NBEA: variants seen among roughly 807,000 people sequenced by gnomAD.
NBEA encodes the protein lysosomal-trafficking regulator 2.
Under a neutral mutation model 343.4 loss-of-function variants are expected in NBEA, and 44 were observed. That is an observed-to-expected ratio of 0.13 (90% CI 0.10 to 0.16). The LOEUF is 0.16. Among genes scored for constraint, NBEA ranks in the 10% least tolerant of loss-of-function variants. NBEA has a pLI of 1.00. For missense variants in NBEA, 2,555 were observed against 3,631.3 expected (o/e 0.70, Z 7.62); for synonymous variants, 1,175 against 1,238.7 (o/e 0.95, Z 1.08).
intron 17 of NBEA, among the ~76,000 whole-genome samples, chr13:35,124,737 GATATATACACACATATGTATGGAT>G (rs2067015692): frequency 6.7e-6 from 1 of 149,368 alleles, no homozygotes; most frequent in Non-Finnish European, 1.5e-5. Context: ...CATATGTATG[GATATATACACACATATGTATGGAT>G]ATATATACAC....
chr13:35,536,975 G>C (rs556762049), intron 41 of NBEA, among the ~76,000 whole-genome samples: 1 of 152,274 alleles, frequency 6.6e-6, no homozygotes, highest in South Asian at 2.1e-4. Context: ...GCTTGGAAGT[G>C]ATGTAAGAGA....
intron 38 of NBEA, among the ~76,000 whole-genome samples, chr13:35,396,127 T>G (rs919329844): frequency 1.3e-5 from 2 of 152,104 alleles, no homozygotes; most frequent in Non-Finnish European, 2.9e-5. Flanking sequence ...ACTCCTGGGC[T>G]GAGATGAACC....
chr13:34,947,071 T>C (rs959046960), intron 1 of NBEA, among the ~76,000 whole-genome samples: 6 of 152,010 alleles, frequency 3.9e-5, no homozygotes, highest in African/African-American at 1.4e-4. Context: ...TAAAATAATT[T>C]CCTGCATTTT....
intron 11 of NBEA, among the ~76,000 whole-genome samples, chr13:35,106,054 G>A (rs1015442031): frequency 4.0e-5 from 6 of 151,870 alleles, no homozygotes; most frequent in African/African-American, 1.5e-4. Context: ...GCAACTATTT[G>A]TATAACTTCT....
At chr13:35,576,679 T>C (rs1204710508) in intron 45 of NBEA, among the ~76,000 whole-genome samples, 3 of 152,162 alleles carry the variant, frequency 2.0e-5, no homozygotes, top group Non-Finnish European at 4.4e-5. Flanking sequence ...TACTGTCATA[T>C]ATATTCTTCA....
intron 38 of NBEA, among the ~76,000 whole-genome samples, chr13:35,373,810 T>G (rs1210231542): frequency 6.6e-6 from 1 of 152,094 alleles, no homozygotes; most frequent in Non-Finnish European, 1.5e-5. Flanking sequence ...ATTTGTATCA[T>G]CTTCATGTTG....
At chr13:35,357,376 T>C (rs954411161) in intron 38 of NBEA, among the ~76,000 whole-genome samples, 1 of 152,046 alleles carries the variant, frequency 6.6e-6, no homozygotes, top group African/African-American at 2.4e-5. Flanking sequence ...GGGTTTGTTA[T>C]ATAGATTATT....
At chr13:35,087,824 T>C (rs1458973950) in intron 10 of NBEA, among the ~76,000 whole-genome samples, 4 of 151,914 alleles carry the variant, frequency 2.6e-5, no homozygotes, top group Non-Finnish European at 5.9e-5. Flanking sequence ...ACAAATGGTA[T>C]AACCAGAGAA....
rs147889747 is a variant in NBEA at position 35,439,244 on chromosome 13, C to T, written c.6304+6851C>T. On this transcript the variant is annotated intron_variant, in intron 39 of 58. Coordinates refer to ENST00000379939, the MANE Select transcript of NBEA (RefSeq NM_001385012.1). ...TTCCAGCACGAAATATCAATAGTAC[C>T]GAAGTTTGAATAACCCTAGTCCAGT... is the stretch of plus-strand genomic sequence containing the variant. 2.9e-3 allele frequency among the ~76,000 whole-genome samples: 444 copies of T among 152,142 alleles called. 4 individuals carry two copies. The highest frequency in any genetic ancestry group is 9.9e-3 in the African/African-American group (412 of 41,500).
intron 48 of NBEA, among the ~76,000 whole-genome samples, chr13:35,626,223 A>G (rs553763932): frequency 6.6e-6 from 1 of 152,364 alleles, no homozygotes; most frequent in South Asian, 2.1e-4. Context: ...GTAATATTTT[A>G]TAAGGGCACA....
intron 36 of NBEA, among the ~76,000 whole-genome samples, chr13:35,317,071 T>G (rs1382782491): frequency 6.6e-6 from 1 of 152,190 alleles, no homozygotes; most frequent in Non-Finnish European, 1.5e-5. Flanking sequence ...GCCTGTTCCC[T>G]GTGATGATAG....
intron 34 of NBEA, among the ~76,000 whole-genome samples, chr13:35,268,915 A>C (rs1408091087): frequency 6.6e-6 from 1 of 152,154 alleles, no homozygotes; most frequent in Middle Eastern, 3.2e-3. Flanking sequence ...TTCTTAATTC[A>C]GTGAAAATAT....
intron 38 of NBEA, among the ~76,000 whole-genome samples, chr13:35,408,057 A>G (rs569306048): frequency 1.3e-4 from 20 of 152,338 alleles, no homozygotes; most frequent in African/African-American, 4.6e-4. Flanking sequence ...AGCCAATGCA[A>G]TCATAAGCAA....
chr13:35,140,028 G>A (rs1300503636), intron 17 of NBEA, among the ~76,000 whole-genome samples: 1 of 151,944 alleles, frequency 6.6e-6, no homozygotes, highest in East Asian at 1.9e-4. Context: ...TAATTAATTA[G>A]TTCACTTTTT....
intron 38 of NBEA, among the ~76,000 whole-genome samples, chr13:35,378,024 T>A (rs9652244): frequency 0.3 from 46,137 of 152,072 alleles, 9,310 homozygotes; most frequent in African/African-American, 0.58. Context: ...ACAAATAAAT[T>A]ATAGTTATTC....
At chr13:35,437,795 C>G (rs536102216) in intron 39 of NBEA, among the ~76,000 whole-genome samples, 1 of 152,012 alleles carries the variant, frequency 6.6e-6, no homozygotes, top group East Asian at 1.9e-4. Context: ...AGCAAATGAG[C>G]TAATAGGGAA....
At chr13:35,043,863 C>A (rs2062748102) in intron 2 of NBEA, among the ~76,000 whole-genome samples, 1 of 151,550 alleles carries the variant, frequency 6.6e-6, no homozygotes, top group African/African-American at 2.4e-5. Context: ...TTCAGCTTAC[C>A]CTAACCTAAC....
At chr13:35,469,436 C>T (rs762155412) in intron 40 of NBEA, among the ~76,000 whole-genome samples, 2 of 152,190 alleles carry the variant, frequency 1.3e-5, no homozygotes, top group East Asian at 1.9e-4. Flanking sequence ...TACCCCTATA[C>T]TTCTTTCAAA....
Position 34,984,212 on chromosome 13 carries a change from A to G in NBEA, c.294+41098A>G, listed in dbSNP as rs149688366. Among the ~76,000 whole-genome samples, 4 of 152,310 alleles carry G rather than the reference A, an allele frequency of 2.6e-5. No individual in the cohort carries two copies. The East Asian group carries it at 5.8e-4, about 22-fold the overall frequency. On this transcript the variant is annotated intron_variant, in intron 1 of 58. Coordinates refer to ENST00000379939, the MANE Select transcript of NBEA (RefSeq NM_001385012.1). ...TAATCCATCTTGAATTAATTTTAGT[A>G]TAAGGTGTAAGGAAGGGATCCAGTT...
Sources: allele counts gnomAD v4.1 joint callset (sites outside exome capture counted in the v4.1 genomes callset), GRCh38; gene constraint gnomAD v4.1.1; transcripts MANE v1.5; gene names NCBI Gene and HGNC (gene_info 2026-07-23, HGNC 2026-07-21).